The following TBC1D22B variants were observed in gnomAD, a reference collection of about 807,000 sequenced individuals.
TBC1D22B encodes the protein chromosome 6 open reading frame 197.
TBC1D22B carries 32 observed loss-of-function variants against 69.1 expected under a neutral mutation model. The ratio of observed to expected loss-of-function variants is 0.46; its 90% confidence interval spans 0.35 to 0.62. The LOEUF (loss-of-function observed/expected upper bound fraction) is 0.62, where lower values mean the gene tolerates loss of function less well. Among genes scored for constraint, TBC1D22B ranks in the 20% least tolerant of loss-of-function variants. The pLI, the probability that TBC1D22B is intolerant of heterozygous loss-of-function variation, is 0.00. For missense variants in TBC1D22B, 462 were observed against 630.9 expected, an observed-to-expected ratio of 0.73 and a Z score of 2.87; for synonymous variants, 206 against 229.8, an observed-to-expected ratio of 0.90 and a Z score of 0.94.
chr6:37,311,719 C>T (rs1414309562), intron 8 of TBC1D22B, among the ~76,000 whole-genome samples: 1 of 152,238 alleles, frequency 6.6e-6, no homozygotes, highest in East Asian at 1.9e-4. Flanking sequence ...ATTCTGAATA[C>T]ATTTTGTCTA....
At chr6:37,266,148 A>G (rs1237051046) in intron 1 of TBC1D22B, among the ~76,000 whole-genome samples, 7 of 152,176 alleles carry the variant, frequency 4.6e-5, no homozygotes, top group Admixed American at 3.9e-4. Flanking sequence ...TAACCTTCTC[A>G]AGATCGCTTA....
At chr6:37,258,026 C>A (rs1224223411) in intron 1 of TBC1D22B, 53 bp downstream of exon 1, 1 of 1,590,372 alleles carries the variant, frequency 6.3e-7, no homozygotes, top group Non-Finnish European at 8.6e-7. Context: ...CCTTCCAGAT[C>A]CTAATCCCTG....
intron 7 of TBC1D22B, among the ~76,000 whole-genome samples, chr6:37,288,135 G>A (rs1019131104): frequency 6.6e-6 from 1 of 152,068 alleles, no homozygotes; most frequent in African/African-American, 2.4e-5. Context: ...TTGACTTTGG[G>A]TTATATTTAT....
In TBC1D22B at chr6:37,322,209, G is replaced by C. The variant is rs1249540647; in HGVS notation, c.1389+5003G>C. Among the ~76,000 whole-genome samples, 3 of 152,300 alleles carry C rather than the reference G, an allele frequency of 2.0e-5. No homozygotes were observed. The East Asian group carries it at 5.8e-4, about 29-fold the overall frequency. ...CATCTGGGCTAGCAATAGGAGGCCT[G>C]TCAGGGCCTCCTGTTGCCACTCTGG... is the stretch of plus-strand genomic sequence containing the variant. On this transcript the variant is annotated intron_variant, in intron 12 of 12. Coordinates refer to ENST00000373491, the MANE Select transcript of TBC1D22B (RefSeq NM_017772.4).
chr6:37,295,869 A>G (rs6911592), intron 8 of TBC1D22B: 4,875 of 171,678 alleles, frequency 0.028, 241 homozygotes, highest in African/African-American at 0.11. Flanking sequence ...GTAAAATGCT[A>G]TCAAACAGAG....
intron 7 of TBC1D22B, among the ~76,000 whole-genome samples, chr6:37,290,817 C>A: frequency 6.6e-6 from 1 of 150,534 alleles, no homozygotes; most frequent in East Asian, 1.9e-4. Context: ...CTGTCTAAAT[C>A]CTATAATGAC....
In TBC1D22B at chr6:37,279,631, T is replaced by G; in HGVS notation, c.421+20T>G. 6.3e-7 allele frequency: 1 copy of G among 1,583,770 alleles called. No homozygotes were observed. Among genetic ancestry groups the G allele is most frequent in the Non-Finnish European group, 8.6e-7 (1 of 1,165,108 alleles). ...ACTCTAGTAAGTCCTTCCTGCTCCC[T>G]TCATAGCCTCAGCCTTCTCAGCAGC... is the stretch of plus-strand genomic sequence containing the variant. On this transcript the variant is annotated intron_variant, in intron 3 of 12. Coordinates refer to ENST00000373491, the MANE Select transcript of TBC1D22B (RefSeq NM_017772.4).
chr6:37,328,085 G>A (rs371354314), intron 12 of TBC1D22B, among the ~76,000 whole-genome samples: 88 of 140,590 alleles, frequency 6.3e-4, no homozygotes, highest in Middle Eastern at 3.6e-3. Context: ...AGGCTGAGGC[G>A]GGCGGATCAC....
At chr6:37,292,704 G>T (rs1478359233) in intron 8 of TBC1D22B, among the ~76,000 whole-genome samples, 2 of 152,170 alleles carry the variant, frequency 1.3e-5, no homozygotes, top group Non-Finnish European at 2.9e-5. Context: ...TGCTAACAGT[G>T]TTATGCCAGT....
intron 2 of TBC1D22B, among the ~76,000 whole-genome samples, chr6:37,274,039 A>G (rs1321457132): frequency 6.6e-6 from 1 of 152,244 alleles, no homozygotes; most frequent in African/African-American, 2.4e-5. Context: ...TATTGCCTGC[A>G]GTAATTTTTA....
At chr6:37,314,345 G>A (rs922533682) in intron 10 of TBC1D22B, among the ~76,000 whole-genome samples, 2 of 152,108 alleles carry the variant, frequency 1.3e-5, no homozygotes, top group Non-Finnish European at 2.9e-5. Flanking sequence ...CCAGCCTGTC[G>A]TCCGGCCTTG....
At chr6:37,307,575 C>G (rs185365810) in intron 8 of TBC1D22B, among the ~76,000 whole-genome samples, 1 of 152,240 alleles carries the variant, frequency 6.6e-6, no homozygotes, top group Admixed American at 6.5e-5. Flanking sequence ...AGGCTAGTCT[C>G]AAACTCCTGA....
intron 2 of TBC1D22B, among the ~76,000 whole-genome samples, chr6:37,271,363 T>C (rs1766478556): frequency 6.6e-6 from 1 of 152,114 alleles, no homozygotes; most frequent in African/African-American, 2.4e-5. Flanking sequence ...TACGTGTCAT[T>C]ATGCATTTGT....
At chr6:37,273,597 C>G (rs1766569372) in intron 2 of TBC1D22B, among the ~76,000 whole-genome samples, 1 of 152,172 alleles carries the variant, frequency 6.6e-6, no homozygotes, top group Non-Finnish European at 1.5e-5. Context: ...TGAATATTTT[C>G]ACTGATCTTT....
intron 10 of TBC1D22B, among the ~76,000 whole-genome samples, chr6:37,315,288 G>T (rs1287083308): frequency 6.6e-6 from 1 of 152,090 alleles, no homozygotes; most frequent in African/African-American, 2.4e-5. Context: ...ATTTAAACAG[G>T]CTGGGGACGG....
At chr6:37,261,433 A>AG (rs1491584388) in intron 1 of TBC1D22B, among the ~76,000 whole-genome samples, 1 of 97,904 alleles carries the variant, frequency 1.0e-5, no homozygotes, top group African/African-American at 4.8e-5. Context: ...GATTGTCTCC[A>AG]AAAAAAAAAA....
At chr6:37,278,747 T>C (rs1409837255) in intron 2 of TBC1D22B, among the ~76,000 whole-genome samples, 1 of 152,000 alleles carries the variant, frequency 6.6e-6, no homozygotes, top group African/African-American at 2.4e-5. Flanking sequence ...CTGGGCAACA[T>C]AGTGAAACCT....
chr6:37,282,802 G>A (rs1313928532), intron 4 of TBC1D22B, 80 bp from the exon 5 acceptor site: 8 of 1,340,172 alleles, frequency 6.0e-6, no homozygotes, highest in Non-Finnish European at 8.6e-6. Context: ...GATGGAAGGA[G>A]ACATCAGGCA....
chr6:37,331,303 G>T lies in TBC1D22B; in HGVS notation c.*131G>T. 1 of 901,388 alleles carries T rather than the reference G, an allele frequency of 1.1e-6. No individual in the cohort carries two copies. The highest frequency in any genetic ancestry group is 2.2e-5 in the Admixed American group (1 of 44,488). The allele number at this position is 901,388 out of a possible 1,614,324, so 55.8% of individuals were successfully genotyped here. A position where few individuals can be genotyped will look rare whatever the true frequency, so the allele number is the denominator to read the frequency against. ...TACAAAGCTCACACCCACCGCCCAG[G>T]TCTTAACTTTCTGGCATCCACCACT... On this transcript the variant is annotated 3_prime_UTR_variant, in exon 13 of 13. Coordinates refer to ENST00000373491, the MANE Select transcript of TBC1D22B (RefSeq NM_017772.4).
Sources: gnomAD v4.1 joint callset for allele counts (sites outside exome capture counted in the v4.1 genomes callset) on GRCh38, gnomAD v4.1.1 for gene constraint, MANE v1.5 for transcripts, NCBI Gene and HGNC (gene_info 2026-07-23, HGNC 2026-07-21) for gene names.